TERF2IP: variants seen among roughly 807,000 people sequenced by gnomAD.
The protein encoded by TERF2IP is telomeric repeat-binding factor 2-interacting protein 1.
In TERF2IP, 35 loss-of-function variants were observed where a neutral mutation model predicts 33.3. The ratio of observed to expected loss-of-function variants is 1.05; its 90% CI spans 0.80 to 1.39. TERF2IP has a LOEUF of 1.39. Ranked by LOEUF, TERF2IP falls within the 40% of genes most tolerant of loss-of-function variation. The probability of loss-of-function intolerance (pLI) is 0.00; values close to 1 mark genes in which losing one functional copy is unlikely to be tolerated. For missense variants in TERF2IP, 583 were observed against 524.8 expected, an observed-to-expected ratio of 1.11 and a Z score of -1.08; for synonymous variants, 253 against 223.2, an observed-to-expected ratio of 1.13 and a Z score of -1.19.
intron 1 of TERF2IP, among the ~76,000 whole-genome samples, chr16:75,649,386 A>G (rs2082330018): frequency 6.6e-6 from 1 of 152,146 alleles, no homozygotes; most frequent in African/African-American, 2.4e-5. Flanking sequence ...CCTACTAAAA[A>G]TACAAAAATT....
At chr16:75,655,387 G>GA (rs2082377081) in intron 2 of TERF2IP, among the ~76,000 whole-genome samples, 2 of 152,148 alleles carry the variant, frequency 1.3e-5, no homozygotes, top group Admixed American at 1.3e-4. Context: ...ATTTTTCCAT[G>GA]ATAAAGCGTC....
At chr16:75,655,534 G>A (rs113163752) in intron 2 of TERF2IP, among the ~76,000 whole-genome samples, 1 of 152,198 alleles carries the variant, frequency 6.6e-6, no homozygotes, top group East Asian at 1.9e-4. Flanking sequence ...ACAGGAATTG[G>A]CAGGATTTAG....
intron 1 of TERF2IP, among the ~76,000 whole-genome samples, chr16:75,649,031 TA>T (rs199548999): frequency 6.7e-5 from 10 of 148,416 alleles, no homozygotes; most frequent in African/African-American, 7.4e-5. Flanking sequence ...CCCGCTAAAT[TA>T]AAAAAAAAAT....
rs1223222241 is a variant in TERF2IP, at chr16:75,648,283, T to C, written c.401T>C (p.Ile134Thr). 1 of 1,550,722 alleles carries C rather than the reference T, an allele frequency of 6.4e-7. No homozygotes were observed. Among genetic ancestry groups the C allele is most frequent in the Non-Finnish European group, 8.7e-7 (1 of 1,146,702 alleles). The part of the protein sequence containing the change: ...EPEPQRHAGR[I>T]AFTDADDVAI... ...GAGCCGCAGCGGCACGCCGGGCGGATCGCCTTCACGGATGCGGACGACGTA... is the reference window on the plus strand; with the variant it reads ...GAGCCGCAGCGGCACGCCGGGCGGACCGCCTTCACGGATGCGGACGACGTA... Residue 134 changes from isoleucine to threonine, a missense_variant, in exon 1 of 3, where the codon ATC (isoleucine) becomes ACC (threonine). By Grantham distance (89) the Ile-to-Thr change is moderately conservative. Transcript: ENST00000300086.
chr16:75,653,812 T>C (rs2082364308), intron 1 of TERF2IP, among the ~76,000 whole-genome samples: 1 of 152,140 alleles, frequency 6.6e-6, no homozygotes, highest in South Asian at 2.1e-4. Context: ...TGAGGTCTTG[T>C]TGAAACTCTT....
chr16:75,650,379 G>A (rs574195216), intron 1 of TERF2IP, among the ~76,000 whole-genome samples: 13 of 152,326 alleles, frequency 8.5e-5, no homozygotes, highest in Admixed American at 3.3e-4. Context: ...TCGCCCTTAG[G>A]TGGGAGTATG....
chr16:75,656,070 C>T lies in TERF2IP; in HGVS notation c.796-137C>T. ...TGAATAAATGTAAGAAGGAACACAG[C>T]ATATTAAGAGGAACTGAAGGAAGTC... On this transcript the variant is annotated intron_variant, in intron 2 of 2. Transcript: ENST00000300086. 6 of 805,544 alleles carry T rather than the reference C, an allele frequency of 7.4e-6. 1 individual carries two copies. The highest frequency in any genetic ancestry group is 7.0e-5 in the South Asian group (4 of 57,392). 49.9% of individuals were successfully genotyped at this position (805,544 alleles called of 1,614,324 possible). A position where few individuals can be genotyped will look rare whatever the true frequency, so the allele number is the denominator to read the frequency against.
intron 1 of TERF2IP, among the ~76,000 whole-genome samples, chr16:75,651,174 G>T (rs746308256): frequency 7.9e-5 from 12 of 152,098 alleles, no homozygotes; most frequent in Non-Finnish European, 1.6e-4. Flanking sequence ...AACTTCTCAT[G>T]ATAAATAAAG....
intron 1 of TERF2IP, among the ~76,000 whole-genome samples, chr16:75,653,290 A>G (rs965959349): frequency 3.3e-5 from 5 of 152,158 alleles, no homozygotes; most frequent in African/African-American, 7.2e-5. Flanking sequence ...TAGAAATGCA[A>G]TTGCTGGATC....
chr16:75,650,342 T>C (rs558125081), intron 1 of TERF2IP, among the ~76,000 whole-genome samples: 1 of 152,238 alleles, frequency 6.6e-6, no homozygotes, highest in East Asian at 1.9e-4. Flanking sequence ...GGGAAGAGTG[T>C]TCAGGCAGAG....
intron 1 of TERF2IP, among the ~76,000 whole-genome samples, chr16:75,652,017 C>A (rs967639053): frequency 1.3e-5 from 2 of 152,118 alleles, no homozygotes; most frequent in African/African-American, 2.4e-5. Context: ...GATACAATTT[C>A]TTTGGGGGGC....
intron 1 of TERF2IP, 98 bp downstream of exon 1, chr16:75,648,650 C>T (rs1244648774): frequency 2.1e-6 from 3 of 1,439,328 alleles, no homozygotes; most frequent in Non-Finnish European, 2.7e-6. Context: ...TCTTCGGTAG[C>T]AGCGCTTGGC....
At chr16:75,655,652 T>C (rs2082379020) in intron 2 of TERF2IP, among the ~76,000 whole-genome samples, 1 of 152,240 alleles carries the variant, frequency 6.6e-6, no homozygotes, top group Non-Finnish European at 1.5e-5. Flanking sequence ...TCTTCTCATA[T>C]AGCATGCTTT....
rs377354294 is a variant in TERF2IP at position 75,656,647 on chromosome 16, A to G, written c.*36A>G. 10 of 1,545,082 alleles carry G rather than the reference A, an allele frequency of 6.5e-6. No homozygotes were observed. In the African/African-American group the frequency reaches 6.9e-5, roughly 11 times the overall value. ...AATGAGAAAAGAAAAAAGTCATGGTAGGTGAGGTGGTTAAAAAAAATTGTG... is the reference window on the plus strand; with the variant it reads ...AATGAGAAAAGAAAAAAGTCATGGTGGGTGAGGTGGTTAAAAAAAATTGTG... On this transcript the variant is annotated 3_prime_UTR_variant, in exon 3 of 3. Transcript: ENST00000300086.
In TERF2IP at chr16:75,657,244, T is replaced by C. The variant is rs771670823; in HGVS notation, c.*633T>C. On this transcript the variant is annotated 3_prime_UTR_variant, in exon 3 of 3. Transcript: ENST00000300086. The stretch of plus-strand genomic sequence containing the variant: ...AGTCTGCCGGATGTCTTTCTTTACC[T>C]ACCCCTCAGTTTTCCTTAAAACGCG... 2 of 152,286 alleles carry C rather than the reference T, an allele frequency of 1.3e-5. No individual in the cohort carries two copies. The highest frequency in any genetic ancestry group is 2.4e-5 in the African/African-American group (1 of 41,462). The allele number at this position is 152,286 out of a possible 1,614,324, so 9.4% of individuals were successfully genotyped here.
At chr16:75,651,531 C>T (rs1244819458) in intron 1 of TERF2IP, among the ~76,000 whole-genome samples, 1 of 151,976 alleles carries the variant, frequency 6.6e-6, no homozygotes, top group Non-Finnish European at 1.5e-5. Flanking sequence ...CTACTAAAAA[C>T]TACAAAAACT....
rs754625905 is a variant in TERF2IP at position 75,654,368 on chromosome 16, G to C, written c.766G>C (p.Glu256Gln). 2.4e-5 allele frequency: 38 copies of C among 1,613,822 alleles called. No homozygotes were observed. The East Asian group carries it at 8.2e-4, about 35-fold the overall frequency. ...AGAAGCAGTCAAAAAGATGCTTGTG[G>C]AAGCCACCCGGGAGTTTGAGGAGGT... ...NEEAVKKMLVEATREFEEVVV... is the reference protein window; with the variant it reads ...NEEAVKKMLVQATREFEEVVV... Residue 256 changes from glutamate (E) to glutamine (Q), a missense_variant, in exon 2 of 3, where the codon GAA becomes CAA. Physicochemically the swap from Glu to Gln is conservative, Grantham distance 29 (BLOSUM62 2). Transcript: ENST00000300086.
At chr16:75,651,689 G>C (rs1482983915) in intron 1 of TERF2IP, among the ~76,000 whole-genome samples, 3 of 151,790 alleles carry the variant, frequency 2.0e-5, no homozygotes. Flanking sequence ...ACTCCATCTC[G>C]GAAAGAAAAA....
chr16:75,648,766 G>A (rs929845645), intron 1 of TERF2IP: 2 of 1,365,478 alleles, frequency 1.5e-6, no homozygotes, highest in Non-Finnish European at 1.9e-6. Flanking sequence ...TGTTACCTAA[G>A]CTGGTCTGAA....
Sources: allele counts gnomAD v4.1 joint callset (sites outside exome capture counted in the v4.1 genomes callset), GRCh38; gene constraint gnomAD v4.1.1; transcripts MANE v1.5; gene names NCBI Gene and HGNC (gene_info 2026-07-23, HGNC 2026-07-21).